RTL4: variants seen among roughly 807,000 people sequenced by gnomAD.
RTL4 encodes the protein retrotransposon Gag-like protein 4.
RTL4 carries 4 observed loss-of-function variants against 5.3 expected under a neutral mutation model. The observed-to-expected ratio is 0.75, with a 90% CI of 0.37 to 1.72. RTL4 has a LOEUF of 1.72. RTL4 is among the 40% of genes most tolerant of loss of function. The pLI, the probability that RTL4 is intolerant of heterozygous loss-of-function variation, is 0.04. For synonymous variants in RTL4, 98 were observed against 87.3 expected (o/e 1.12, Z -0.68); for missense variants, 260 against 227.1 (o/e 1.14, Z -0.93).
chrX:112,353,704 G>C, the RTL4 span, among the ~76,000 whole-genome samples: 1 of 109,935 alleles, frequency 9.1e-6, no homozygotes, highest in Non-Finnish European at 1.9e-5. Context: ...GAGTGGGGAG[G>C]GATAGCATTA....
chrX:112,127,862 A>T, the RTL4 span, among the ~76,000 whole-genome samples: 1 of 112,167 alleles, frequency 8.9e-6, no homozygotes, highest in East Asian at 2.8e-4. Flanking sequence ...TAAATGTTTA[A>T]CCAAGGAAGG....
chrX:112,101,020 G>C, the RTL4 span, among the ~76,000 whole-genome samples: 1 of 112,064 alleles, frequency 8.9e-6, no homozygotes, highest in African/African-American at 3.2e-5. Flanking sequence ...AATCCAATTA[G>C]TAAGTTTGAC....
upstream of RTL4, among the ~76,000 whole-genome samples, chrX:112,449,995 A>G (rs958545728): frequency 8.9e-6 from 1 of 112,158 alleles, no homozygotes; most frequent in African/African-American, 3.2e-5. Flanking sequence ...TTATGTCTCA[A>G]TTTAGCTTCT....
At chrX:112,439,876 C>T in the RTL4 span, among the ~76,000 whole-genome samples, 20 of 111,728 alleles carry the variant, frequency 1.8e-4, no homozygotes, top group South Asian at 3.8e-4. Context: ...GATGTAAATG[C>T]TTACACCATG....
chrX:112,343,327 T>G, the RTL4 span, among the ~76,000 whole-genome samples: 4 of 111,831 alleles, frequency 3.6e-5, no homozygotes, highest in Non-Finnish European at 7.5e-5. Flanking sequence ...CACTCTTTAG[T>G]GATAGTAGTT....
the RTL4 span, among the ~76,000 whole-genome samples, chrX:112,299,894 G>A: frequency 9.0e-6 from 1 of 110,755 alleles, no homozygotes; most frequent in Admixed American, 9.6e-5. Flanking sequence ...CTGTATGTGT[G>A]TGTGTACACA....
the RTL4 span, among the ~76,000 whole-genome samples, chrX:112,263,712 T>A: frequency 9.0e-6 from 1 of 111,684 alleles, no homozygotes; most frequent in Non-Finnish European, 1.9e-5. Context: ...AATAATATTG[T>A]ATGGTTTACT....
At chrX:112,348,137 G>T in the RTL4 span, among the ~76,000 whole-genome samples, 194 of 110,719 alleles carry the variant, frequency 1.8e-3, no homozygotes, top group African/African-American at 6.1e-3. Context: ...CTTTGGTATA[G>T]GTCTCACTAG....
the RTL4 span, among the ~76,000 whole-genome samples, chrX:112,367,097 G>GA: frequency 3.6e-5 from 4 of 111,389 alleles, no homozygotes; most frequent in Non-Finnish European, 5.7e-5. Flanking sequence ...TTTACACAGG[G>GA]AAAAAAACCC....
chrX:112,176,297 G>A, the RTL4 span, among the ~76,000 whole-genome samples: 18 of 112,032 alleles, frequency 1.6e-4, no homozygotes, highest in African/African-American at 5.2e-4. Context: ...TGGCCATACT[G>A]CCCAAGGTAA....
the RTL4 span, among the ~76,000 whole-genome samples, chrX:112,391,446 G>T: frequency 9.0e-6 from 1 of 111,131 alleles, no homozygotes; most frequent in African/African-American, 3.3e-5. Flanking sequence ...GTGTGTGGGT[G>T]CTCCTTTAAC....
chrX:112,300,848 A>G, the RTL4 span, among the ~76,000 whole-genome samples: 54 of 112,017 alleles, frequency 4.8e-4, no homozygotes, highest in African/African-American at 1.7e-3. Flanking sequence ...AGCCTAGACC[A>G]TATATTGTGT....
the RTL4 span, among the ~76,000 whole-genome samples, chrX:112,219,873 C>A: frequency 8.9e-6 from 1 of 111,913 alleles, no homozygotes; most frequent in Non-Finnish European, 1.9e-5. Context: ...TGGTTAGACG[C>A]TTGGAGCCCT....
chrX:112,255,222 G>A, the RTL4 span, among the ~76,000 whole-genome samples: 1 of 111,946 alleles, frequency 8.9e-6, no homozygotes, highest in Non-Finnish European at 1.9e-5. Context: ...TCCAAATAGC[G>A]AGTGATTTAT....
the RTL4 span, among the ~76,000 whole-genome samples, chrX:112,421,812 C>T: frequency 8.9e-6 from 1 of 112,431 alleles, no homozygotes; most frequent in Non-Finnish European, 1.9e-5. Flanking sequence ...ATTTTGACTT[C>T]TACTACATAA....
At chrX:112,169,183 C>T in the RTL4 span, among the ~76,000 whole-genome samples, 2 of 106,422 alleles carry the variant, frequency 1.9e-5, no homozygotes, top group African/African-American at 3.4e-5. Context: ...GGTGCGTTCT[C>T]GGCTCACTGC....
At chrX:112,311,105 A>G in the RTL4 span, among the ~76,000 whole-genome samples, 1 of 108,407 alleles carries the variant, frequency 9.2e-6, no homozygotes, top group Non-Finnish European at 1.9e-5. Flanking sequence ...TGTGTCTTCC[A>G]GAAGCCTTAA....
chrX:112,338,075 A>T, the RTL4 span, among the ~76,000 whole-genome samples: 1 of 111,985 alleles, frequency 8.9e-6, no homozygotes, highest in Non-Finnish European at 1.9e-5. Flanking sequence ...ATAAATCTGT[A>T]AAAGTCAAGA....
At chrX:112,446,638 A>G in the RTL4 span, among the ~76,000 whole-genome samples, 1 of 112,372 alleles carries the variant, frequency 8.9e-6, no homozygotes, top group Admixed American at 9.5e-5. Flanking sequence ...ACTTGAGGCC[A>G]GGAGTTTGAG....
Sources: gnomAD v4.1 joint callset for allele counts (sites outside exome capture counted in the v4.1 genomes callset) on GRCh38, gnomAD v4.1.1 for gene constraint, MANE v1.5 for transcripts, NCBI Gene and HGNC (gene_info 2026-07-23, HGNC 2026-07-21) for gene names.